FSTL5: variants seen among roughly 807,000 people sequenced by gnomAD.
FSTL5 encodes follistatin like 5, also known as follistatin-related protein 5.
FSTL5 carries 62 observed loss-of-function variants against 89.1 expected under a neutral mutation model. The observed-to-expected ratio is 0.70, with a 90% CI of 0.57 to 0.86. FSTL5 has a LOEUF of 0.86. Ranked by LOEUF, FSTL5 falls within the 40% of genes least tolerant of loss-of-function variation. FSTL5 has a pLI of 0.00. For missense variants in FSTL5, 1,057 were observed against 1,001.6 expected, an observed-to-expected ratio of 1.06 and a Z score of -0.75; for synonymous variants, 383 against 346.2, an observed-to-expected ratio of 1.11 and a Z score of -1.18.
chr4:161,546,731 T>C (rs946070236), intron 8 of FSTL5, among the ~76,000 whole-genome samples: 10 of 152,018 alleles, frequency 6.6e-5, no homozygotes, highest in Non-Finnish European at 1.3e-4. Flanking sequence ...TAAAAACTTT[T>C]AATCAAAGAA....
At chr4:161,799,205 T>C (rs1407998996) in intron 4 of FSTL5, among the ~76,000 whole-genome samples, 3 of 151,646 alleles carry the variant, frequency 2.0e-5, no homozygotes, top group Non-Finnish European at 4.4e-5. Context: ...TTAAATTACA[T>C]GTGAAGAGCT....
intron 6 of FSTL5, among the ~76,000 whole-genome samples, chr4:161,660,131 G>A (rs1001504358): frequency 3.9e-5 from 6 of 152,112 alleles, no homozygotes; most frequent in African/African-American, 1.4e-4. Context: ...AAATTTTAAT[G>A]ATTTTTTTCT....
intron 6 of FSTL5, among the ~76,000 whole-genome samples, chr4:161,748,299 A>G (rs539450545): frequency 6.6e-6 from 1 of 152,288 alleles, no homozygotes. Context: ...TTACTATGAC[A>G]TGTTAAAGTA....
chr4:162,126,955 G>C (rs1310108137), intron 1 of FSTL5, among the ~76,000 whole-genome samples: 2 of 152,150 alleles, frequency 1.3e-5, no homozygotes, highest in Admixed American at 6.5e-5. Flanking sequence ...GAGCATTGCA[G>C]ATTCAGTCAC....
At chr4:161,497,438 T>C (rs1730122757) in intron 12 of FSTL5, among the ~76,000 whole-genome samples, 1 of 152,090 alleles carries the variant, frequency 6.6e-6, no homozygotes, top group South Asian at 2.1e-4. Context: ...AAAATGTTGG[T>C]CACCTTAAAT....
chr4:162,128,982 C>T (rs11100413), intron 1 of FSTL5, among the ~76,000 whole-genome samples: 76,788 of 149,722 alleles, frequency 0.51, 20,111 homozygotes, highest in Admixed American at 0.59. Flanking sequence ...AGCGCAGTGG[C>T]GCCATCTGGG....
At chr4:161,508,285 CA>C (rs1224064377) in intron 11 of FSTL5, among the ~76,000 whole-genome samples, 1 of 152,040 alleles carries the variant, frequency 6.6e-6, no homozygotes, top group Admixed American at 6.6e-5. Context: ...GTCTGTGAAT[CA>C]AAATCAAATG....
rs374808311 is a variant in FSTL5, at chr4:161,546,660, T to C, written c.1016-3967A>G. 2.4e-4 allele frequency among the ~76,000 whole-genome samples: 36 copies of C among 152,052 alleles called. 3 individuals are homozygous for C. The South Asian group carries it at 7.5e-3, about 31-fold the overall frequency. Reference sequence around the variant, plus strand: ...GGAAACGCAAGCATCTAGCAGAACCTACACAAAAAGTAGTATAAAATCTAA... The same window carrying C: ...GGAAACGCAAGCATCTAGCAGAACCCACACAAAAAGTAGTATAAAATCTAA... On this transcript the variant is annotated intron_variant, in intron 8 of 15. Coordinates refer to ENST00000306100, the MANE Select transcript of FSTL5 (RefSeq NM_020116.5).
intron 7 of FSTL5, among the ~76,000 whole-genome samples, chr4:161,590,186 A>G (rs1328597556): frequency 2.0e-5 from 3 of 152,160 alleles, no homozygotes; most frequent in African/African-American, 7.2e-5. Flanking sequence ...TTTGAAGAAA[A>G]TTTATCTGAT....
intron 10 of FSTL5, among the ~76,000 whole-genome samples, chr4:161,534,264 C>T (rs1731519291): frequency 1.3e-5 from 2 of 152,030 alleles, no homozygotes; most frequent in Non-Finnish European, 2.9e-5. Context: ...AAAAGACATC[C>T]AAATAGGAAA....
At chr4:161,393,027 G>A (rs1447934657) in intron 15 of FSTL5, among the ~76,000 whole-genome samples, 4 of 151,914 alleles carry the variant, frequency 2.6e-5, no homozygotes, top group Non-Finnish European at 1.5e-5. Flanking sequence ...AGCCAGGTAT[G>A]GTGCCATGCA....
intron 1 of FSTL5, among the ~76,000 whole-genome samples, chr4:162,156,437 G>A (rs886993542): frequency 6.6e-6 from 1 of 152,074 alleles, no homozygotes; most frequent in Admixed American, 6.6e-5. Flanking sequence ...AAACATACAT[G>A]GACTTGCATG....
intron 2 of FSTL5, among the ~76,000 whole-genome samples, chr4:162,074,963 T>C (rs1403586017): frequency 6.6e-6 from 1 of 151,764 alleles, no homozygotes; most frequent in African/African-American, 2.4e-5. Context: ...AAGTGTCGAA[T>C]AGCTCATGTC....
chr4:162,163,801 C>G lies in FSTL5; in HGVS notation c.-203G>C, dbSNP rs1733790522. ...GCGCCCAGGTGGCAAACAGAGGACTCTCTCCCACGTCCGATACCACACTCC... is the reference window on the plus strand; with the variant it reads ...GCGCCCAGGTGGCAAACAGAGGACTGTCTCCCACGTCCGATACCACACTCC... On this transcript the variant is annotated 5_prime_UTR_variant, in exon 1 of 16. Transcript: ENST00000306100. 1 of 152,222 alleles carries G rather than the reference C, an allele frequency of 6.6e-6. No homozygotes were observed. Among genetic ancestry groups the G allele is most frequent in the African/African-American group, 2.4e-5 (1 of 41,442 alleles). The allele number at this position is 152,222 out of a possible 1,614,324, so 9.4% of individuals were successfully genotyped here.
chr4:161,585,854 T>C (rs1733596568), intron 8 of FSTL5, among the ~76,000 whole-genome samples: 1 of 152,152 alleles, frequency 6.6e-6, no homozygotes, highest in South Asian at 2.1e-4. Context: ...ACTTTATATA[T>C]GAAAGTCCAT....
rs1443245435 is a variant in FSTL5 at position 161,511,224 on chromosome 4, T to C, written c.1313-800A>G. Among the ~76,000 whole-genome samples, 7 of 152,248 alleles carry C rather than the reference T, an allele frequency of 4.6e-5. No homozygotes were observed. The East Asian group carries it at 9.6e-4, about 21-fold the overall frequency. ...TCTCATACACAGCAATTACTTCCAG[T>C]ATTTTGACCATATTAAAACTTAATG... On this transcript the variant is annotated intron_variant, in intron 10 of 15. Transcript: ENST00000306100.
At chr4:162,104,538 ACAGACCTGGTGTTCTT>A (rs1231957518) in intron 2 of FSTL5, among the ~76,000 whole-genome samples, 184 of 152,312 alleles carry the variant, frequency 1.2e-3, no homozygotes, top group African/African-American at 4.3e-3. Context: ...GGCTCATACA[ACAGACCTGGTGTTCTT>A]CAACTCACAG....
At chr4:161,485,685 T>C (rs1049692482) in intron 12 of FSTL5, among the ~76,000 whole-genome samples, 1 of 152,134 alleles carries the variant, frequency 6.6e-6, no homozygotes, top group Non-Finnish European at 1.5e-5. Context: ...GACTATTGAA[T>C]AGTAACATAA....
chr4:161,900,792 T>C (rs79929428), intron 4 of FSTL5, among the ~76,000 whole-genome samples: 7,052 of 152,142 alleles, frequency 0.046, 208 homozygotes, highest in Non-Finnish European at 0.07. Context: ...AGGGTGGTAC[T>C]TGTTTGGTCA....
Sources: gnomAD v4.1 joint callset for allele counts (sites outside exome capture counted in the v4.1 genomes callset) on GRCh38, gnomAD v4.1.1 for gene constraint, MANE v1.5 for transcripts, NCBI Gene and HGNC (gene_info 2026-07-23, HGNC 2026-07-21) for gene names.